The following MACROD2 variants were observed in gnomAD, a reference collection of about 807,000 sequenced individuals.
The protein encoded by MACROD2 is mono-ADP ribosylhydrolase 2, also known as ADP-ribose glycohydrolase MACROD2.
Under a neutral mutation model 70.4 loss-of-function variants are expected in MACROD2, and 36 were observed. The ratio of observed to expected loss-of-function variants is 0.51; its 90% CI spans 0.39 to 0.68. MACROD2 has a LOEUF of 0.68. Among genes scored for constraint, MACROD2 ranks in the 30% least tolerant of loss-of-function variants. The pLI, the probability that MACROD2 is intolerant of heterozygous loss-of-function variation, is 0.00. For synonymous variants in MACROD2, 172 were observed against 178.8 expected, an observed-to-expected ratio of 0.96 and a Z score of 0.30; for missense variants, 496 against 538.4, an observed-to-expected ratio of 0.92 and a Z score of 0.78.
At chr20:15,285,443 G>A (rs1212593390) in intron 6 of MACROD2, among the ~76,000 whole-genome samples, 1 of 152,158 alleles carries the variant, frequency 6.6e-6, no homozygotes, top group African/African-American at 2.4e-5. Flanking sequence ...TTATCATCGT[G>A]CTAGTTCTAT....
At chr20:15,772,733 A>G in intron 8 of MACROD2, among the ~76,000 whole-genome samples, 1 of 152,110 alleles carries the variant, frequency 6.6e-6, no homozygotes, top group Non-Finnish European at 1.5e-5. Context: ...GAGCTTCTAA[A>G]CATTTGTAAA....
intron 3 of MACROD2, among the ~76,000 whole-genome samples, chr20:14,468,599 G>A (rs1281089769): frequency 1.3e-5 from 2 of 151,672 alleles, no homozygotes; most frequent in African/African-American, 2.4e-5. Flanking sequence ...TGCAACCTCC[G>A]CCTCCCGGGT....
At chr20:15,041,292 T>C (rs1451475282) in intron 5 of MACROD2, among the ~76,000 whole-genome samples, 4 of 152,200 alleles carry the variant, frequency 2.6e-5, no homozygotes, top group Non-Finnish European at 5.9e-5. Context: ...GTCTGAGTAA[T>C]ATTCTTCATA....
chr20:15,695,408 C>CTTT (rs200041559), intron 8 of MACROD2, among the ~76,000 whole-genome samples: 4 of 140,082 alleles, frequency 2.9e-5, no homozygotes, highest in Non-Finnish European at 3.0e-5. Flanking sequence ...TTTTCTTCTT[C>CTTT]TTCTTTTTTT....
chr20:14,584,659 G>A (rs1198904885), intron 4 of MACROD2, among the ~76,000 whole-genome samples: 4 of 152,112 alleles, frequency 2.6e-5, no homozygotes, highest in Admixed American at 2.0e-4. Flanking sequence ...TTGAAATTTG[G>A]TGGGGGGACA....
intron 2 of MACROD2, among the ~76,000 whole-genome samples, chr20:14,055,992 C>T (rs1357758154): frequency 6.6e-6 from 1 of 152,004 alleles, no homozygotes; most frequent in African/African-American, 2.4e-5. Context: ...GTGTTACCGA[C>T]ATTTCTGTTG....
chr20:14,724,827 T>C (rs776296944), intron 5 of MACROD2, among the ~76,000 whole-genome samples: 2 of 152,162 alleles, frequency 1.3e-5, no homozygotes, highest in Admixed American at 6.5e-5. Flanking sequence ...ATTTGAAGTA[T>C]GTTGGGAGCC....
intron 4 of MACROD2, among the ~76,000 whole-genome samples, chr20:14,564,734 T>C (rs1403695767): frequency 6.6e-6 from 1 of 151,926 alleles, no homozygotes; most frequent in African/African-American, 2.4e-5. Flanking sequence ...TTATACACTG[T>C]CGGTGGGAAG....
intron 12 of MACROD2, among the ~76,000 whole-genome samples, chr20:15,962,711 T>C (rs2066080835): frequency 6.6e-6 from 1 of 152,162 alleles, no homozygotes; most frequent in Non-Finnish European, 1.5e-5. Context: ...GTCCCTGAAT[T>C]CCATATCTCT....
Position 14,452,954 on chromosome 20 carries a change from A to G in MACROD2, c.272-40525A>G, listed in dbSNP as rs1235034004. On this transcript the variant is annotated intron_variant, in intron 3 of 17. Coordinates refer to ENST00000684519, the MANE Select transcript of MACROD2 (RefSeq NM_001351661.2). Reference sequence around the variant, plus strand: ...ACTTACGGTTGCTGCAATCTCCTGCAGCATTTGTACTGGTTGGTATCATTT... The same window carrying G: ...ACTTACGGTTGCTGCAATCTCCTGCGGCATTTGTACTGGTTGGTATCATTT... Among the ~76,000 whole-genome samples the G allele has an allele frequency of 2.0e-5, 3 of 152,110 alleles. No homozygotes were observed. The East Asian group carries it at 5.8e-4, about 29-fold the overall frequency.
rs116765414 is a variant in MACROD2 at position 14,577,563 on chromosome 20, T to G, written c.301+84055T>G. 7.1e-3 allele frequency among the ~76,000 whole-genome samples: 1,079 copies of G among 152,170 alleles called. 18 individuals carry two copies. The highest frequency in any genetic ancestry group is 0.024 in the African/African-American group (1,012 of 41,524). On this transcript the variant is annotated intron_variant, in intron 4 of 17. Coordinates refer to ENST00000684519, the MANE Select transcript of MACROD2 (RefSeq NM_001351661.2). ...AGGGGCTGAGGTGGGAGCGATTGTT[T>G]GAGGCTAGGAGTTTGAGACCAGCCT...
chr20:14,500,921 G>A (rs1366414075), intron 4 of MACROD2, among the ~76,000 whole-genome samples: 1 of 151,874 alleles, frequency 6.6e-6, no homozygotes, highest in Non-Finnish European at 1.5e-5. Flanking sequence ...ACATATAGTA[G>A]GTGCTTTGAG....
At chr20:15,032,486 C>T (rs971017613) in intron 5 of MACROD2, among the ~76,000 whole-genome samples, 1 of 152,208 alleles carries the variant, frequency 6.6e-6, no homozygotes, top group African/African-American at 2.4e-5. Context: ...ATGGGGGATT[C>T]ACGGAGCTGA....
intron 2 of MACROD2, among the ~76,000 whole-genome samples, chr20:14,009,863 A>G (rs1201796767): frequency 1.3e-5 from 2 of 152,214 alleles, no homozygotes; most frequent in Non-Finnish European, 2.9e-5. Flanking sequence ...ACAAACTCTA[A>G]CGCAGTAACA....
intron 2 of MACROD2, among the ~76,000 whole-genome samples, chr20:14,023,074 C>T (rs2053110800): frequency 6.6e-6 from 1 of 152,180 alleles, no homozygotes; most frequent in South Asian, 2.1e-4. Flanking sequence ...CTGTTGTTTC[C>T]TGACTTTTTA....
At chr20:14,404,038 A>AT (rs2083666008) in intron 3 of MACROD2, among the ~76,000 whole-genome samples, 1 of 152,146 alleles carries the variant, frequency 6.6e-6, no homozygotes, top group Non-Finnish European at 1.5e-5. Flanking sequence ...AACTATAATA[A>AT]ATTGAAAGTA....
intron 3 of MACROD2, among the ~76,000 whole-genome samples, chr20:14,208,706 C>G (rs1333401862): frequency 3.3e-5 from 5 of 152,006 alleles, no homozygotes; most frequent in Non-Finnish European, 7.4e-5. Flanking sequence ...CAATAAAGTT[C>G]CCTGTTTGTG....
At chr20:14,304,640 CT>C (rs1395276728) in intron 3 of MACROD2, among the ~76,000 whole-genome samples, 1 of 152,114 alleles carries the variant, frequency 6.6e-6, no homozygotes, top group Admixed American at 6.5e-5. Flanking sequence ...CTCTGTTAGC[CT>C]TTTTAAGTAC....
At chr20:15,232,018 T>C (rs1410604457) in intron 6 of MACROD2, among the ~76,000 whole-genome samples, 1 of 152,008 alleles carries the variant, frequency 6.6e-6, no homozygotes, top group Non-Finnish European at 1.5e-5. Context: ...AAATGTCTTG[T>C]CTCTTTTACA....
Sources: gnomAD v4.1 joint callset for allele counts (sites outside exome capture counted in the v4.1 genomes callset) on GRCh38, gnomAD v4.1.1 for gene constraint, MANE v1.5 for transcripts, NCBI Gene and HGNC (gene_info 2026-07-23, HGNC 2026-07-21) for gene names.